The following ERI1 variants were observed in gnomAD, a reference collection of about 807,000 sequenced individuals.
ERI1 encodes the protein 3'-5' exoribonuclease 1.
ERI1 carries 39 observed loss-of-function variants against 39.7 expected under a neutral mutation model. The observed-to-expected ratio is 0.98, with a 90% CI of 0.76 to 1.28. ERI1 has a LOEUF of 1.28. Ranked by LOEUF, ERI1 falls within the 50% of genes most tolerant of loss-of-function variation. The pLI, the probability that ERI1 is intolerant of heterozygous loss-of-function variation, is 0.00. For synonymous variants in ERI1, 204 were observed against 149.6 expected (o/e 1.36, Z -2.65); for missense variants, 581 against 416.9 (o/e 1.39, Z -3.43).
At chr8:9,062,807 C>T (rs1028864034) in intron 3 of ERI1, 1 of 151,716 alleles carries the variant, frequency 6.6e-6, no homozygotes, top group African/African-American at 2.4e-5. Context: ...GTCTGATTTT[C>T]AGTGGGGTCT....
chr8:9,021,761 ATTTGTTTTTTTTG>A (rs1307950863), intron 6 of ERI1, among the ~76,000 whole-genome samples: 1 of 110,640 alleles, frequency 9.0e-6, no homozygotes, highest in African/African-American at 4.0e-5. Context: ...TGGCTATATT[ATTTGTTTTTTTTG>A]TTTTTTTTTT....
In ERI1 at chr8:9,018,490, A is replaced by G. The variant is rs1016879149; in HGVS notation, c.692+84A>G. ...TATTTATCTGATTTTTAGAATAACC[A>G]CAAACTATTATTAGAGACCCTAGAG... On this transcript the variant is annotated intron_variant, in intron 5 of 6. Coordinates refer to ENST00000250263, the MANE Select transcript of ERI1 (RefSeq NM_153332.4). 6.4e-6 allele frequency: 5 copies of G among 778,052 alleles called. No individual in the cohort carries two copies. The African/African-American group carries it at 7.0e-5, about 11-fold the overall frequency. 48.2% of individuals were successfully genotyped at this position (778,052 alleles called of 1,614,324 possible).
chr8:9,026,126 A>T (rs1298827000), intron 6 of ERI1, among the ~76,000 whole-genome samples: 2 of 152,202 alleles, frequency 1.3e-5, no homozygotes, highest in Non-Finnish European at 2.9e-5. Flanking sequence ...GCGAACCATC[A>T]CATGAGGTGT....
At chr8:9,093,547 A>C (rs1227400049) in intron 3 of ERI1, among the ~76,000 whole-genome samples, 1 of 151,646 alleles carries the variant, frequency 6.6e-6, no homozygotes, top group Non-Finnish European at 1.5e-5. Flanking sequence ...AGAAAGTAAG[A>C]AAGTTTGTAA....
At chr8:9,027,137 G>A (rs1797222849) in intron 6 of ERI1, among the ~76,000 whole-genome samples, 1 of 45,860 alleles carries the variant, frequency 2.2e-5, no homozygotes, top group Admixed American at 1.8e-4. Flanking sequence ...TTATTTTCTG[G>A]TGTGTGTGTG....
chr8:9,011,274 C>G lies in ERI1; in HGVS notation c.288-268C>G, dbSNP rs188640780. On this transcript the variant is annotated intron_variant, in intron 2 of 6. Transcript: ENST00000250263. ...CTGACAGTGTTTATGGTTTGAAGTACCAGTATATGTTGGAGAAAATACTGT... is the reference window on the plus strand; with the variant it reads ...CTGACAGTGTTTATGGTTTGAAGTAGCAGTATATGTTGGAGAAAATACTGT... Among the ~76,000 whole-genome samples, 85 of 151,876 alleles carry G rather than the reference C, an allele frequency of 5.6e-4. 1 individual carries two copies. Among genetic ancestry groups the G allele is most frequent in the African/African-American group, 2.0e-3 (82 of 41,408 alleles).
intron 3 of ERI1, among the ~76,000 whole-genome samples, chr8:9,081,005 C>G (rs1011539601): frequency 6.6e-6 from 1 of 152,218 alleles, no homozygotes; most frequent in Admixed American, 6.5e-5. Context: ...AATTGACTCA[C>G]AGTTCCTCAT....
chr8:9,024,407 CTCTTTTCTTTTCTTT>C (rs535713484), intron 6 of ERI1, among the ~76,000 whole-genome samples: 184 of 151,166 alleles, frequency 1.2e-3, no homozygotes, highest in Admixed American at 6.0e-3. Context: ...CTTCTTTTTT[CTCTTTTCTTTTCTTT>C]TCTTTTCTTT....
intron 3 of ERI1, among the ~76,000 whole-genome samples, chr8:9,071,749 G>A (rs991770984): frequency 6.6e-6 from 1 of 152,188 alleles, no homozygotes; most frequent in East Asian, 1.9e-4. Flanking sequence ...AACAGAGCAA[G>A]GTGATTCAAC....
chr8:9,024,523 C>G (rs141868833), intron 6 of ERI1, among the ~76,000 whole-genome samples: 20 of 152,130 alleles, frequency 1.3e-4, no homozygotes, highest in African/African-American at 4.6e-4. Flanking sequence ...TGGGTTCAAT[C>G]AATTCTCCTG....
chr8:9,081,665 TTCC>T (rs964508578), intron 3 of ERI1, among the ~76,000 whole-genome samples: 9 of 146,478 alleles, frequency 6.1e-5, no homozygotes, highest in African/African-American at 1.9e-4. Flanking sequence ...ATTTCTTCCT[TTCC>T]TCTTCTTCTT....
chr8:9,081,901 G>A (rs1234480749), intron 3 of ERI1, among the ~76,000 whole-genome samples: 2 of 152,072 alleles, frequency 1.3e-5, no homozygotes, highest in Admixed American at 1.3e-4. Context: ...CTTCTCATTA[G>A]CCTGCACTGG....
chr8:9,037,042 G>C (rs905826233), downstream of ERI1, among the ~76,000 whole-genome samples: 10 of 152,160 alleles, frequency 6.6e-5, no homozygotes, highest in African/African-American at 2.4e-4. Context: ...ACAGACTATT[G>C]CTAAAATTTA....
chr8:9,071,504 T>C (rs1173118374), intron 3 of ERI1, among the ~76,000 whole-genome samples: 1 of 152,246 alleles, frequency 6.6e-6, no homozygotes, highest in Non-Finnish European at 1.5e-5. Flanking sequence ...TTGTAAATGA[T>C]GTCCTAATTA....
chr8:9,053,796 C>T (rs1315832349), intron 3 of ERI1, among the ~76,000 whole-genome samples: 1 of 152,154 alleles, frequency 6.6e-6, no homozygotes, highest in African/African-American at 2.4e-5. Flanking sequence ...GATGTTGAAA[C>T]CCTAAGAACT....
rs561991821 is a variant in ERI1, at chr8:9,093,334, C to T, written n.300-23014C>T. ...CAAAGCCGTCCTGGGCTGCATGTGG[C>T]CCAAGGGCTGCAGGTTGGACAAGCT... is the stretch of plus-strand genomic sequence containing the variant. On this transcript the variant is annotated intron_variant and non_coding_transcript_variant, in intron 3 of 3. Coordinates refer to the ERI1 transcript ENST00000518663. Among the ~76,000 whole-genome samples, 5 of 152,194 alleles carry T rather than the reference C, an allele frequency of 3.3e-5. No homozygotes were observed. The South Asian group carries it at 8.3e-4, about 25-fold the overall frequency.
chr8:9,007,838 A>T (rs2117182308), intron 1 of ERI1, 132 bp from the exon 2 acceptor site: 1 of 1,354,712 alleles, frequency 7.4e-7, no homozygotes, highest in East Asian at 2.6e-5. Context: ...AGCTGCAGTG[A>T]ACACTTTTCA....
chr8:9,074,772 A>T (rs1449846116), intron 3 of ERI1, among the ~76,000 whole-genome samples: 1 of 152,204 alleles, frequency 6.6e-6, no homozygotes, highest in Non-Finnish European at 1.5e-5. Context: ...TTATATGGGA[A>T]CTTCCTGTCA....
At chr8:9,021,376 T>C (rs1443056698) in intron 6 of ERI1, among the ~76,000 whole-genome samples, 1 of 152,220 alleles carries the variant, frequency 6.6e-6, no homozygotes, top group Non-Finnish European at 1.5e-5. Flanking sequence ...AAAATCATCT[T>C]AGGGGATTTC....
Sources: gnomAD v4.1 joint callset for allele counts (sites outside exome capture counted in the v4.1 genomes callset) on GRCh38, gnomAD v4.1.1 for gene constraint, MANE v1.5 for transcripts, NCBI Gene and HGNC (gene_info 2026-07-23, HGNC 2026-07-21) for gene names.